SHISA9: variants seen among roughly 807,000 people sequenced by gnomAD.
SHISA9 encodes the protein protein shisa-9.
In SHISA9, 13 loss-of-function variants were observed where a neutral mutation model predicts 38.0. The observed-to-expected ratio is 0.34, with a 90% CI of 0.22 to 0.54. The LOEUF is 0.54. Among genes scored for constraint, SHISA9 ranks in the 20% least tolerant of loss-of-function variants. SHISA9 has a pLI of 0.91. For synonymous variants in SHISA9, 275 were observed against 242.0 expected (o/e 1.14, Z -1.27); for missense variants, 538 against 575.8 (o/e 0.93, Z 0.67).
chr16:13,121,640 T>C (rs1400875572), intron 2 of SHISA9, among the ~76,000 whole-genome samples: 1 of 152,172 alleles, frequency 6.6e-6, no homozygotes, highest in Non-Finnish European at 1.5e-5. Context: ...AATATACCTT[T>C]TTTGAATAAG....
intron 2 of SHISA9, among the ~76,000 whole-genome samples, chr16:12,949,746 ATAAT>A (rs756196638): frequency 3.3e-4 from 51 of 152,334 alleles, no homozygotes; most frequent in Middle Eastern, 3.4e-3. Context: ...TTGAGGCATA[ATAAT>A]TGTACATATT....
intron 2 of SHISA9, among the ~76,000 whole-genome samples, chr16:13,184,672 T>A (rs1206575419): frequency 6.6e-6 from 1 of 152,194 alleles, no homozygotes; most frequent in African/African-American, 2.4e-5. Context: ...TCCCTATAAT[T>A]TTGTCTTTTC....
intron 2 of SHISA9, among the ~76,000 whole-genome samples, chr16:13,070,802 C>G (rs1034884402): frequency 6.6e-6 from 1 of 152,106 alleles, no homozygotes; most frequent in Non-Finnish European, 1.5e-5. Flanking sequence ...TGGCTGAGGT[C>G]ATACAGTGGC....
chr16:13,337,785 T>A, the SHISA9 span, among the ~76,000 whole-genome samples: 1 of 152,088 alleles, frequency 6.6e-6, no homozygotes, highest in Non-Finnish European at 1.5e-5. Context: ...CTTATGACAG[T>A]GAGTGAGTTC....
At chr16:13,286,208 A>G in the SHISA9 span, among the ~76,000 whole-genome samples, 1 of 152,084 alleles carries the variant, frequency 6.6e-6, no homozygotes, top group East Asian at 1.9e-4. Context: ...TCTCCCTAAA[A>G]TGTATAAAAC....
intron 2 of SHISA9, among the ~76,000 whole-genome samples, chr16:13,001,208 G>A (rs563184653): frequency 2.8e-4 from 43 of 152,346 alleles, no homozygotes; most frequent in Non-Finnish European, 5.7e-4. Flanking sequence ...GATTACAGGC[G>A]TGAGCCACCG....
chr16:13,129,468 G>A (rs149278392), intron 2 of SHISA9, among the ~76,000 whole-genome samples: 1 of 152,302 alleles, frequency 6.6e-6, no homozygotes, highest in East Asian at 1.9e-4. Context: ...AGTAGACCAA[G>A]CTTCGTGTGG....
chr16:13,052,965 T>C (rs1199252148), intron 2 of SHISA9, among the ~76,000 whole-genome samples: 4 of 145,446 alleles, frequency 2.8e-5, no homozygotes, highest in Admixed American at 6.8e-5. Context: ...CTTTCTTTTT[T>C]TTTTTTTTTT....
chr16:13,015,827 CT>C (rs2072736335), intron 2 of SHISA9, among the ~76,000 whole-genome samples: 1 of 139,720 alleles, frequency 7.2e-6, no homozygotes, highest in Non-Finnish European at 1.6e-5. Context: ...GTTTGTTTCT[CT>C]CTCTCTCTTT....
chr16:13,327,993 C>A, the SHISA9 span, among the ~76,000 whole-genome samples: 1 of 152,130 alleles, frequency 6.6e-6, no homozygotes, highest in Non-Finnish European at 1.5e-5. Context: ...CACCTAAAAT[C>A]TTTCATCGTA....
chr16:12,990,906 G>A (rs1341064134), intron 2 of SHISA9, among the ~76,000 whole-genome samples: 1 of 152,052 alleles, frequency 6.6e-6, no homozygotes, highest in Non-Finnish European at 1.5e-5. Flanking sequence ...TGCTAGAAGG[G>A]GAATTACTAA....
chr16:13,361,117 C>T, the SHISA9 span, among the ~76,000 whole-genome samples: 2 of 152,336 alleles, frequency 1.3e-5, no homozygotes, highest in East Asian at 1.9e-4. Flanking sequence ...CTTTTTCCTT[C>T]ATTTCCCATA....
chr16:13,275,788 G>A, the SHISA9 span, among the ~76,000 whole-genome samples: 7 of 151,576 alleles, frequency 4.6e-5, no homozygotes, highest in Non-Finnish European at 4.4e-5. Context: ...TCCTTTTAAT[G>A]TCTCTAGAAT....
At chr16:13,033,615 C>T (rs539843855) in intron 2 of SHISA9, among the ~76,000 whole-genome samples, 18 of 152,256 alleles carry the variant, frequency 1.2e-4, no homozygotes, top group East Asian at 7.7e-4. Context: ...AATCAAGAGA[C>T]TCAGGCATGG....
At chr16:13,076,469 C>G (rs1474103245) in intron 2 of SHISA9, among the ~76,000 whole-genome samples, 1 of 152,120 alleles carries the variant, frequency 6.6e-6, no homozygotes, top group Non-Finnish European at 1.5e-5. Flanking sequence ...TAGCCCACTT[C>G]CCCCTGCTCC....
the SHISA9 span, among the ~76,000 whole-genome samples, chr16:13,339,615 G>C: frequency 6.6e-6 from 1 of 151,762 alleles, no homozygotes; most frequent in Non-Finnish European, 1.5e-5. Flanking sequence ...TTCCTTTTTT[G>C]TTTGTGTGTG....
At chr16:12,915,508 G>C (rs1328876379) in intron 1 of SHISA9, among the ~76,000 whole-genome samples, 1 of 152,208 alleles carries the variant, frequency 6.6e-6, no homozygotes, top group African/African-American at 2.4e-5. Flanking sequence ...TGACCATCTA[G>C]ATGGCCATAA....
the SHISA9 span, among the ~76,000 whole-genome samples, chr16:13,253,078 A>C: frequency 6.6e-6 from 1 of 152,108 alleles, no homozygotes; most frequent in Non-Finnish European, 1.5e-5. Flanking sequence ...CTTCCTCGTG[A>C]TTTTCTTAAT....
At chr16:13,407,386 T>C in the SHISA9 span, among the ~76,000 whole-genome samples, 2 of 152,126 alleles carry the variant, frequency 1.3e-5, no homozygotes, top group Admixed American at 1.3e-4. Flanking sequence ...GGGATCTCTT[T>C]AGGGCCTCTT....
Sources: allele counts gnomAD v4.1 joint callset (sites outside exome capture counted in the v4.1 genomes callset), GRCh38; gene constraint gnomAD v4.1.1; transcripts MANE v1.5; gene names NCBI Gene and HGNC (gene_info 2026-07-23, HGNC 2026-07-21).